The following GAK variants were observed in gnomAD, a reference collection of about 807,000 sequenced individuals.
GAK encodes the protein cyclin G associated kinase.
In GAK, 79 loss-of-function variants were observed where a neutral mutation model predicts 143.9. That is an observed-to-expected ratio of 0.55 (90% confidence interval 0.46 to 0.66). The LOEUF (loss-of-function observed/expected upper bound fraction) is 0.66. Ranked by LOEUF, GAK falls within the 30% of genes least tolerant of loss-of-function variation. The pLI is 0.00. For synonymous variants in GAK, 881 were observed against 765.5 expected (o/e 1.15, Z -2.49); for missense variants, 1,693 against 1,779.7 (o/e 0.95, Z 0.88).
At chr4:868,297 G>A (rs1482255176) in intron 20 of GAK, among the ~76,000 whole-genome samples, 1 of 152,208 alleles carries the variant, frequency 6.6e-6, no homozygotes, top group East Asian at 1.9e-4. Flanking sequence ...GATGAAGAGC[G>A]AGGGTTGTTA....
intron 27 of GAK, 43 bp from the exon 28 acceptor site, chr4:849,817 G>C: frequency 6.6e-7 from 1 of 1,516,924 alleles, no homozygotes; most frequent in Admixed American, 1.9e-5. Context: ...TAAGCATGCG[G>C]GGGCGGGCGG....
chr4:883,220 C>G (rs1052272731), intron 13 of GAK, 95 bp downstream of exon 13: 47 of 1,463,230 alleles, frequency 3.2e-5, no homozygotes, highest in Non-Finnish European at 4.2e-5. Context: ...GCCCCCATCA[C>G]AGCCCCACCC....
chr4:875,265 GA>G (rs1454518768), intron 18 of GAK, among the ~76,000 whole-genome samples: 2 of 151,500 alleles, frequency 1.3e-5, no homozygotes, highest in African/African-American at 4.9e-5. Context: ...TCCAAAGGAG[GA>G]AAAAAGAAAC....
chr4:863,232 T>C (rs749360383), intron 23 of GAK, among the ~76,000 whole-genome samples: 1 of 152,212 alleles, frequency 6.6e-6, no homozygotes, highest in Non-Finnish European at 1.5e-5. Context: ...AGAACTCGAA[T>C]TAGAAGTGGA....
At chr4:883,560 G>C in intron 12 of GAK, 97 bp from the exon 13 acceptor site, 1 of 1,334,414 alleles carries the variant, frequency 7.5e-7, no homozygotes, top group South Asian at 1.3e-5. Context: ...CCGGGCAAGC[G>C]CAGCCTCCGG....
At chr4:854,161 C>T (rs1748722686) in intron 24 of GAK, among the ~76,000 whole-genome samples, 1 of 150,224 alleles carries the variant, frequency 6.7e-6, no homozygotes, top group Admixed American at 6.7e-5. Flanking sequence ...GTGTTTCTCG[C>T]AGAGGGGGAT....
chr4:887,228 ACGCGCACTCACGTGTACACATGCACGCG>A (rs1716575087), intron 11 of GAK: 2 of 123,578 alleles, frequency 1.6e-5, no homozygotes, highest in Non-Finnish European at 3.6e-5. Context: ...CACGCGGCTC[ACGCGCACTCACGTGTACACATGCACGCG>A]GCTCACGCGC....
intron 4 of GAK, 126 bp from the exon 5 acceptor site, chr4:904,905 T>A: frequency 9.5e-5 from 85 of 894,188 alleles, no homozygotes; most frequent in East Asian, 2.8e-4. Context: ...CACACCTAAG[T>A]AACAAAACGA....
At chr4:923,794 C>T (rs1244634696) in intron 1 of GAK, among the ~76,000 whole-genome samples, 2 of 152,186 alleles carry the variant, frequency 1.3e-5, no homozygotes, top group African/African-American at 4.8e-5. Context: ...AGAGTGACCA[C>T]AGCTAAGGCT....
intron 4 of GAK, among the ~76,000 whole-genome samples, chr4:910,363 GC>G (rs1281263217): frequency 4.8e-5 from 5 of 104,886 alleles, no homozygotes; most frequent in Admixed American, 2.7e-4. Flanking sequence ...CTAAATGCAG[GC>G]CCCCCACAAA....
chr4:899,859 G>A (rs575215691), intron 5 of GAK, among the ~76,000 whole-genome samples: 27 of 152,342 alleles, frequency 1.8e-4, no homozygotes, highest in African/African-American at 6.0e-4. Context: ...GGAAAGAAAC[G>A]GACACACATG....
chr4:906,915 C>T (rs147508893), intron 4 of GAK, among the ~76,000 whole-genome samples: 21 of 152,306 alleles, frequency 1.4e-4, no homozygotes, highest in East Asian at 1.4e-3. Context: ...CCTCCCAGAC[C>T]GCCCCTTCTG....
At chr4:899,159 C>A (rs955653049) in intron 5 of GAK, among the ~76,000 whole-genome samples, 2 of 152,210 alleles carry the variant, frequency 1.3e-5, no homozygotes, top group Admixed American at 6.5e-5. Context: ...AAGGAGAAAG[C>A]CTCGCCCCCA....
intron 14 of GAK, 100 bp from the exon 15 acceptor site, chr4:882,140 G>A (rs574348526): frequency 1.9e-5 from 24 of 1,282,496 alleles, no homozygotes; most frequent in Admixed American, 8.6e-5. Flanking sequence ...CTGCAGGGAC[G>A]CAGGGCTGTT....
At chr4:909,782 A>T (rs1017178467) in intron 4 of GAK, among the ~76,000 whole-genome samples, 3 of 152,364 alleles carry the variant, frequency 2.0e-5, no homozygotes, top group African/African-American at 7.2e-5. Flanking sequence ...GAAGTGGACA[A>T]TGGACGCCCC....
rs753221886 is a variant in GAK at position 932,008 on chromosome 4, G to A, written c.145+35C>T. On this transcript the variant is annotated intron_variant, in intron 1 of 27. Coordinates refer to ENST00000314167, the MANE Select transcript of GAK (RefSeq NM_005255.4). This position sits in a 1 kb window ranked among gnomAD's most constrained non-coding sequence, Gnocchi z 4.0. Reference sequence around the variant, plus strand: ...CCCAGCGTCCCGGAGACAACACTCCGCGGCCGCACCCGCGCTGCCGACCCG... The same window carrying A: ...CCCAGCGTCCCGGAGACAACACTCCACGGCCGCACCCGCGCTGCCGACCCG... 6.8e-7 allele frequency: 1 copy of A among 1,463,652 alleles called. No homozygotes were observed. Among genetic ancestry groups the A allele is most frequent in the Non-Finnish European group, 9.4e-7 (1 of 1,065,622 alleles). The allele number at this position is 1,463,652 out of a possible 1,614,324, so 90.7% of individuals were successfully genotyped here.
intron 11 of GAK, chr4:886,104 C>T (rs1716275119): frequency 6.6e-6 from 1 of 152,294 alleles, no homozygotes; most frequent in African/African-American, 2.4e-5. Context: ...ACTGTTGCTT[C>T]TAAGTCAACT....
intron 1 of GAK, among the ~76,000 whole-genome samples, chr4:924,052 G>C (rs181084415): frequency 6.4e-4 from 98 of 152,050 alleles, no homozygotes; most frequent in African/African-American, 2.2e-3. Flanking sequence ...GGGCATGGTG[G>C]TGCATGCCTT....
chr4:903,698 C>CA (rs200887758), intron 5 of GAK, among the ~76,000 whole-genome samples: 259 of 90,428 alleles, frequency 2.9e-3, no homozygotes, highest in African/African-American at 9.8e-3. Flanking sequence ...GTGACACCAC[C>CA]GGGGGGCGGT....
Sources: allele counts gnomAD v4.1 joint callset (sites outside exome capture counted in the v4.1 genomes callset), GRCh38; gene constraint gnomAD v4.1.1; non-coding constraint Gnocchi (gnomAD v3.1); transcripts MANE v1.5; gene names NCBI Gene and HGNC (gene_info 2026-07-23, HGNC 2026-07-21).